The following TNN variants were observed in gnomAD, a reference collection of about 807,000 sequenced individuals.
TNN encodes the protein tenascin-N.
A neutral mutation model predicts 134.4 loss-of-function variants in TNN; 122 were observed. That is an observed-to-expected ratio of 0.91 (90% CI 0.78 to 1.06). The LOEUF is 1.06. Among genes scored for constraint, TNN ranks in the 50% least tolerant of loss-of-function variants. The probability of loss-of-function intolerance (pLI) is 0.00; values close to 1 mark genes in which losing one functional copy is unlikely to be tolerated. For synonymous variants in TNN, 710 were observed against 670.3 expected (o/e 1.06, Z -0.91); for missense variants, 1,739 against 1,699.4 (o/e 1.02, Z -0.41).
At chr1:175,070,688 G>A (rs940575042) in intron 1 of TNN, among the ~76,000 whole-genome samples, 1 of 152,176 alleles carries the variant, frequency 6.6e-6, no homozygotes, top group Non-Finnish European at 1.5e-5. Flanking sequence ...GTATGTACTT[G>A]CTTCTACTGG....
intron 11 of TNN, among the ~76,000 whole-genome samples, chr1:175,121,553 TA>T (rs751248732): frequency 5.0e-4 from 76 of 152,058 alleles, no homozygotes; most frequent in Non-Finnish European, 9.0e-4. Context: ...GTGAGGAGAA[TA>T]AATGGAGAAA....
chr1:175,079,539 T>A lies in TNN; in HGVS notation c.616T>A (p.Cys206Ser). Residue 206 changes from cysteine (C) to serine (S), a missense_variant, in exon 3 of 19, where the codon TGC (cysteine) becomes AGC (serine). Cys to Ser is a moderately radical substitution (Grantham distance 112). Transcript: ENST00000239462. ...CGGCTACCCGGCCTGCCCTGAGAAC[T>A]GCAGCGGACACGGCGAGTGCGTGCG... ...DCGYPACPENCSGHGECVRGV... is the reference protein window; with the variant it reads ...DCGYPACPENSSGHGECVRGV... 1 of 1,568,436 alleles carries A rather than the reference T, an allele frequency of 6.4e-7. No individual in the cohort carries two copies.
intron 9 of TNN, among the ~76,000 whole-genome samples, chr1:175,103,280 C>T (rs899030271): frequency 2.7e-5 from 4 of 146,024 alleles, no homozygotes; most frequent in African/African-American, 4.9e-5. Context: ...CTGTAAACTC[C>T]GGGCAGCATC....
At chr1:175,116,858 C>T (rs1367379662) in intron 9 of TNN, 81 bp from the exon 10 acceptor site, 1 of 1,592,496 alleles carries the variant, frequency 6.3e-7, no homozygotes, top group East Asian at 2.2e-5. Context: ...CAGGAAACTG[C>T]CTTACCACAA....
chr1:175,068,433 G>A (rs1395224537), intron 1 of TNN, among the ~76,000 whole-genome samples: 4 of 151,976 alleles, frequency 2.6e-5, no homozygotes, highest in Non-Finnish European at 4.4e-5. Context: ...CCTTTGTCTG[G>A]ATTTTGTGTG....
chr1:175,138,527 C>A (rs1036366101), intron 17 of TNN, among the ~76,000 whole-genome samples: 1 of 151,950 alleles, frequency 6.6e-6, no homozygotes, highest in Non-Finnish European at 1.5e-5. Flanking sequence ...GCTACAGACA[C>A]GGGGAAACTG....
At chr1:175,134,177 C>T (rs1480421589) in intron 15 of TNN, among the ~76,000 whole-genome samples, 1 of 152,156 alleles carries the variant, frequency 6.6e-6, no homozygotes, top group African/African-American at 2.4e-5. Flanking sequence ...CATCCAATTG[C>T]TCTGTGGTAT....
intron 9 of TNN, among the ~76,000 whole-genome samples, chr1:175,107,979 G>C (rs1292069591): frequency 7.1e-6 from 1 of 141,178 alleles, no homozygotes; most frequent in Non-Finnish European, 1.5e-5. Flanking sequence ...CGCCAGAGCA[G>C]CTAGATACAC....
rs1676013704 is a variant in TNN, at chr1:175,144,385, AG to A, written c.3598del. 6.2e-7 allele frequency: 1 copy of A among 1,613,748 alleles called. No individual in the cohort carries two copies. Among genetic ancestry groups the A allele is most frequent in the Non-Finnish European group, 8.5e-7 (1 of 1,179,788 alleles). On this transcript the variant is annotated splice_acceptor_variant, in intron 17 of 18. Transcript: ENST00000239462. LOFTEE classifies it high-confidence loss of function. ...CTCGCCTCCGTCTCTTCTCTCCTGC[AG>A]GGGATGCTCTTACTTACCACAATGG...
At position 175,148,047 on chromosome 1, in the gene TNN, A is replaced by T. The variant is rs2101859945; in HGVS notation, c.*976A>T. On this transcript the variant is annotated 3_prime_UTR_variant, in exon 19 of 19. Transcript: ENST00000239462. Reference sequence around the variant, plus strand: ...ACTTAAATTCCTATTGAAGAAAAAAAATAATAAACCACTTGATTTAAAAAA... The same window carrying T: ...ACTTAAATTCCTATTGAAGAAAAAATATAATAAACCACTTGATTTAAAAAA... The T allele has an allele frequency of 6.6e-6, 1 of 152,350 alleles. No individual in the cohort carries two copies. The highest frequency in any genetic ancestry group is 1.5e-5 in the Non-Finnish European group (1 of 68,036). The allele number at this position is 152,350 out of a possible 1,614,324, so 9.4% of individuals were successfully genotyped here.
At chr1:175,076,739 T>A (rs1439064147) in intron 1 of TNN, among the ~76,000 whole-genome samples, 1 of 152,150 alleles carries the variant, frequency 6.6e-6, no homozygotes, top group Admixed American at 6.5e-5. Flanking sequence ...TTCTCATCTG[T>A]GCAAAGCAGC....
intron 17 of TNN, among the ~76,000 whole-genome samples, chr1:175,138,458 T>C (rs76044099): frequency 0.011 from 1,642 of 151,994 alleles, 30 homozygotes; most frequent in African/African-American, 0.037. Context: ...GGTGACATGG[T>C]GACATGGGAG....
chr1:175,128,455 G>A (rs959007622), intron 14 of TNN, 140 bp from the exon 15 acceptor site: 132 of 1,070,538 alleles, frequency 1.2e-4, no homozygotes, highest in Non-Finnish European at 1.2e-4. Context: ...AATAAGATAT[G>A]AGTGAAGAGT....
At chr1:175,125,963 T>TTC (rs151299690) in intron 12 of TNN, among the ~76,000 whole-genome samples, 55,107 of 140,158 alleles carry the variant, frequency 0.39, 11,708 homozygotes, top group East Asian at 0.66. Flanking sequence ...CTTTCTTTCC[T>TTC]TCTCTCTCTC....
intron 16 of TNN, 59 bp from the exon 17 acceptor site, chr1:175,136,762 G>A: frequency 6.5e-7 from 1 of 1,529,456 alleles, no homozygotes; most frequent in Non-Finnish European, 8.9e-7. Context: ...CACACATGTT[G>A]AGTGCTTACT....
intron 9 of TNN, among the ~76,000 whole-genome samples, chr1:175,110,441 C>G (rs896799334): frequency 6.6e-6 from 1 of 152,202 alleles, no homozygotes; most frequent in African/African-American, 2.4e-5. Flanking sequence ...AAATATCTGC[C>G]TAGACCAATG....
intron 12 of TNN, among the ~76,000 whole-genome samples, chr1:175,125,373 AAG>A (rs777396498): frequency 1.1e-4 from 17 of 151,984 alleles, no homozygotes; most frequent in Non-Finnish European, 2.5e-4. Flanking sequence ...TAAAAAAAAA[AAG>A]AGCCTTCTGA....
chr1:175,107,464 G>A lies in TNN; in HGVS notation c.2119+8869G>A, dbSNP rs1050738704. On this transcript the variant is annotated intron_variant, in intron 9 of 18. Transcript: ENST00000239462. Reference sequence around the variant, plus strand: ...TTACAGCTCTTAAGGCAGCACGTCTGGAGTTGTTCGTTCCTCCCAGTGGGC... The same window carrying A: ...TTACAGCTCTTAAGGCAGCACGTCTAGAGTTGTTCGTTCCTCCCAGTGGGC... Among the ~76,000 whole-genome samples, 12 of 144,762 alleles carry A rather than the reference G, an allele frequency of 8.3e-5. 1 individual carries two copies. The highest frequency in any genetic ancestry group is 1.4e-4 in the Non-Finnish European group (9 of 65,334). 95.0% of individuals were successfully genotyped at this position (144,762 alleles called of 152,430 possible).
At position 175,072,985 on chromosome 1, in the gene TNN, C is replaced by A. The variant is rs1448018580; in HGVS notation, c.-35-4399C>A. Among the ~76,000 whole-genome samples, 5 of 104,330 alleles carry A rather than the reference C, an allele frequency of 4.8e-5. No homozygotes were observed. The South Asian group carries it at 1.6e-3, about 34-fold the overall frequency. The allele number at this position is 104,330 out of a possible 152,430, so 68.4% of individuals were successfully genotyped here. A position where few individuals can be genotyped will look rare whatever the true frequency, so the allele number is the denominator to read the frequency against. On this transcript the variant is annotated intron_variant, in intron 1 of 18. Transcript: ENST00000239462. The stretch of plus-strand genomic sequence containing the variant: ...GAGAACTTCTTCAGAAAACCATCTG[C>A]ACTTCATTTATGTCTCAGGCTGGGG...
Sources: gnomAD v4.1 joint callset for allele counts (sites outside exome capture counted in the v4.1 genomes callset) on GRCh38, gnomAD v4.1.1 for gene constraint, MANE v1.5 for transcripts, NCBI Gene and HGNC (gene_info 2026-07-23, HGNC 2026-07-21) for gene names.